The following KIF1B variants were observed in gnomAD, a reference collection of about 807,000 sequenced individuals.
The protein encoded by KIF1B is kinesin-like protein KIF1B.
KIF1B carries 76 observed loss-of-function variants against 241.9 expected under a neutral mutation model. The observed-to-expected ratio is 0.31, with a 90% CI of 0.26 to 0.38. KIF1B has a LOEUF of 0.38. Ranked by LOEUF, KIF1B falls within the 10% of genes least tolerant of loss-of-function variation. KIF1B has a pLI of 1.00. For missense variants in KIF1B, 1,622 were observed against 2,271.4 expected (o/e 0.71, Z 5.81); for synonymous variants, 750 against 796.7 (o/e 0.94, Z 0.99).
chr1:10,365,750 G>T lies in KIF1B; in HGVS notation c.4752+102G>T, dbSNP rs2102350743. On this transcript the variant is annotated intron_variant, in intron 43 of 48. Transcript: ENST00000676179. The surrounding 1 kb of genome is among the most constrained non-coding windows in gnomAD (Gnocchi z 4.0). The stretch of plus-strand genomic sequence containing the variant: ...ACACCTTTGTTCGAGGTGTTTGAAG[G>T]CCTGTGATAATACTGTGAATGTAGA... 6.7e-7 allele frequency: 1 copy of T among 1,488,080 alleles called. No homozygotes were observed. The highest frequency in any genetic ancestry group is 9.3e-7 in the Non-Finnish European group (1 of 1,078,344). 92.2% of individuals were successfully genotyped at this position (1,488,080 alleles called of 1,614,324 possible). A position where few individuals can be genotyped will look rare whatever the true frequency, so the allele number is the denominator to read the frequency against.
At chr1:10,275,345 T>C (rs531358917) in intron 10 of KIF1B, 83 bp from the exon 11 acceptor site, 25 of 776,946 alleles carry the variant, frequency 3.2e-5, no homozygotes, top group Non-Finnish European at 5.6e-5. Flanking sequence ...TTAATTTACT[T>C]GGGAATTTTA....
intron 33 of KIF1B, among the ~76,000 whole-genome samples, chr1:10,342,384 A>G (rs1652429786): frequency 2.0e-5 from 3 of 152,230 alleles, no homozygotes; most frequent in African/African-American, 7.2e-5. Context: ...GACCTCAAAT[A>G]CCATCTTTTT....
intron 26 of KIF1B, 142 bp downstream of exon 26, chr1:10,325,037 C>G (rs962966419): frequency 3.4e-6 from 3 of 882,972 alleles, no homozygotes; most frequent in Non-Finnish European, 5.4e-6. Flanking sequence ...CACTCACAAC[C>G]ACTGCGTCAT....
chr1:10,333,175 C>A (rs1652020801), intron 27 of KIF1B, among the ~76,000 whole-genome samples: 1 of 151,170 alleles, frequency 6.6e-6, no homozygotes, highest in South Asian at 2.1e-4. Context: ...CCTGTAATCC[C>A]AGCACTTTGG....
Position 10,378,383 on chromosome 1 carries a change from T to G in KIF1B, c.*1796T>G, listed in dbSNP as rs1638942724. 1.4e-6 allele frequency: 1 copy of G among 717,810 alleles called. No homozygotes were observed. The highest frequency in any genetic ancestry group is 2.6e-6 in the Non-Finnish European group (1 of 385,204). The allele number at this position is 717,810 out of a possible 1,614,324, so 44.5% of individuals were successfully genotyped here. ...GAGATCATCAGAGAAGATAAGTCTGTCTCTTTCAGCTGCCAGTAAGTTTTC... is the reference window on the plus strand; with the variant it reads ...GAGATCATCAGAGAAGATAAGTCTGGCTCTTTCAGCTGCCAGTAAGTTTTC... On this transcript the variant is annotated 3_prime_UTR_variant, in exon 49 of 49. Transcript: ENST00000676179.
chr1:10,302,826 GTATGAC>G (rs1650607496), intron 22 of KIF1B, among the ~76,000 whole-genome samples: 1 of 152,132 alleles, frequency 6.6e-6, no homozygotes, highest in Admixed American at 6.6e-5. Flanking sequence ...GAATAATTTT[GTATGAC>G]CATAGGGTGA....
At chr1:10,224,734 T>C (rs1453945294) in intron 1 of KIF1B, among the ~76,000 whole-genome samples, 1 of 152,172 alleles carries the variant, frequency 6.6e-6, no homozygotes, top group Non-Finnish European at 1.5e-5. Context: ...CCAATTTATG[T>C]TTTTTATTTA....
intron 5 of KIF1B, among the ~76,000 whole-genome samples, chr1:10,262,299 G>A (rs1648195500): frequency 6.6e-6 from 1 of 151,994 alleles, no homozygotes; most frequent in African/African-American, 2.4e-5. Context: ...ACAGGTGTGT[G>A]CCACCACCAC....
At chr1:10,313,615 A>G (rs1242994026) in intron 22 of KIF1B, among the ~76,000 whole-genome samples, 1 of 145,990 alleles carries the variant, frequency 6.8e-6, no homozygotes, top group East Asian at 2.0e-4. Context: ...CAGTGGCGCA[A>G]TCTCGGCTCA....
chr1:10,304,391 C>T (rs1489594329), intron 22 of KIF1B: 3 of 1,614,210 alleles, frequency 1.9e-6, no homozygotes, highest in African/African-American at 1.3e-5. Flanking sequence ...GCATCTGCCT[C>T]CGCGGAGTCA....
intron 1 of KIF1B, among the ~76,000 whole-genome samples, chr1:10,213,973 A>G (rs1646728935): frequency 1.3e-5 from 2 of 150,618 alleles, no homozygotes; most frequent in Admixed American, 6.6e-5. Context: ...CCCCATCTCT[A>G]CCAAAAAAAA....
In KIF1B at chr1:10,337,142, A is replaced by G; in HGVS notation, c.3198A>G (p.Gly1066=). 6.2e-7 allele frequency: 1 copy of G among 1,614,148 alleles called. No homozygotes were observed. Among genetic ancestry groups the G allele is most frequent in the Non-Finnish European group, 8.5e-7 (1 of 1,180,030 alleles). The part of the protein sequence containing the change: ...LSLEELRIVE[G]QGQSSEVITP... ...TGGAGGAGTTGAGGATTGTGGAAGG[A>G]CAGGGTCAGAGTTCTGAGGTCATCA... Residue 1066 remains glycine, a synonymous_variant, in exon 30 of 49, where the codon GGA becomes GGG. Coordinates refer to ENST00000676179, the MANE Select transcript of KIF1B (RefSeq NM_001365951.3). This position sits in a 1 kb window ranked among gnomAD's most constrained non-coding sequence, Gnocchi z 4.0.
rs1399356500 is a variant in KIF1B, at chr1:10,324,889, T to A, written c.2669T>A (p.Val890Glu). The change falls in exon 26 of 49, where the codon GTG (valine) becomes GAG (glutamate). Residue 890 changes from valine (V) to glutamate (E), a missense_variant. Val to Glu is a moderately radical substitution (Grantham distance 121). Around this residue, in one of 7 missense-constraint regions of KIF1B, gnomAD observed 803 missense variants for 1,112.0 expected, o/e 0.72. Transcript: ENST00000676179. ...GATCGGTTCCACTGGTTCAAACTTG[T>A]GGGGAGGTATGTGATGATTTTGTTG... is the stretch of plus-strand genomic sequence containing the variant. ...FYDRFHWFKL[V>E]GSSPIFHGCV... 6.2e-7 allele frequency: 1 copy of A among 1,613,954 alleles called. No homozygotes were observed. The highest frequency in any genetic ancestry group is 8.5e-7 in the Non-Finnish European group (1 of 1,180,040).
intron 2 of KIF1B, among the ~76,000 whole-genome samples, chr1:10,254,179 TAGTC>T (rs1647624985): frequency 6.6e-6 from 1 of 152,364 alleles, no homozygotes; most frequent in East Asian, 1.9e-4. Flanking sequence ...AAAGCATTCA[TAGTC>T]AGTCCCTGAA....
intron 33 of KIF1B, among the ~76,000 whole-genome samples, chr1:10,342,904 C>T (rs970165971): frequency 2.0e-5 from 3 of 152,110 alleles, no homozygotes; most frequent in Admixed American, 1.3e-4. Flanking sequence ...ATAATAATTA[C>T]GTTCATCTTA....
At position 10,210,961 on chromosome 1, in the gene KIF1B, G is replaced by C. The variant is rs929091792; in HGVS notation, c.-80+83G>C. 4.0e-5 allele frequency: 6 copies of C among 151,868 alleles called. No individual in the cohort carries two copies. The highest frequency in any genetic ancestry group is 8.8e-5 in the Non-Finnish European group (6 of 67,974). 9.4% of individuals were successfully genotyped at this position (151,868 alleles called of 1,614,324 possible). A position where few individuals can be genotyped will look rare whatever the true frequency, so the allele number is the denominator to read the frequency against. ...CGCTTCCGCGGGGAGGAGCGGCCGG[G>C]CCGGGGTCCGGGCGGGGTCTGAGGG... is the stretch of plus-strand genomic sequence containing the variant. On this transcript the variant is annotated intron_variant, in intron 1 of 48. Transcript: ENST00000676179. The surrounding 1 kb of genome is among the most constrained non-coding windows in gnomAD (Gnocchi z 4.1).
chr1:10,361,141 TCC>T, intron 39 of KIF1B, 98 bp downstream of exon 39: 1 of 792,002 alleles, frequency 1.3e-6, no homozygotes, highest in Non-Finnish European at 2.3e-6. Context: ...ACTTGTTTTG[TCC>T]TCTTTCTTCC....
rs553647567 is a variant in KIF1B, at chr1:10,308,741, T to C, written c.2116-11302T>C. ...TCTTTTTGATATTTCTATGTGAACT[T>C]GATTAGTTTTAAAGCTTTTGCTTTA... On this transcript the variant is annotated intron_variant, in intron 22 of 48. Transcript: ENST00000676179. The C allele has an allele frequency of 2.4e-4, 152 of 636,932 alleles. 2 individuals carry two copies. The Middle Eastern group carries it at 7.6e-3, about 32-fold the overall frequency. The allele number at this position is 636,932 out of a possible 1,614,324, so 39.5% of individuals were successfully genotyped here. A position where few individuals can be genotyped will look rare whatever the true frequency, so the allele number is the denominator to read the frequency against.
chr1:10,218,163 A>G (rs901623440), intron 1 of KIF1B, among the ~76,000 whole-genome samples: 3 of 151,956 alleles, frequency 2.0e-5, no homozygotes, highest in African/African-American at 7.3e-5. Context: ...TTCCGTGCCA[A>G]CCCACTACAG....
Sources: allele counts gnomAD v4.1 joint callset (sites outside exome capture counted in the v4.1 genomes callset), GRCh38; gene constraint gnomAD v4.1.1; regional missense constraint gnomAD v4.1.1; non-coding constraint Gnocchi (gnomAD v3.1); transcripts MANE v1.5; gene names NCBI Gene and HGNC (gene_info 2026-07-23, HGNC 2026-07-21).